Variants in PTK2B observed in about 807,000 individuals in gnomAD.
PTK2B encodes protein tyrosine kinase 2 beta.
PTK2B carries 71 observed loss-of-function variants against 142.9 expected under a neutral mutation model. That is an observed-to-expected ratio of 0.50 (90% CI 0.41 to 0.61). The LOEUF (loss-of-function observed/expected upper bound fraction) is 0.61. Ranked by LOEUF, PTK2B falls within the 20% of genes least tolerant of loss-of-function variation. The probability of loss-of-function intolerance (pLI) is 0.00; values close to 1 mark genes in which losing one functional copy is unlikely to be tolerated. For synonymous variants in PTK2B, 519 were observed against 503.4 expected (o/e 1.03, Z -0.42); for missense variants, 1,105 against 1,320.4 (o/e 0.84, Z 2.53).
chr8:27,355,683 T>G (rs182748096), intron 1 of PTK2B, among the ~76,000 whole-genome samples: 4 of 152,314 alleles, frequency 2.6e-5, no homozygotes, highest in African/African-American at 9.6e-5. Context: ...AGCTCTAGGC[T>G]TCTCTCCTAG....
Position 27,361,141 on chromosome 8 carries a change from G to A in PTK2B, c.-38+35460G>A, listed in dbSNP as rs557171854. 2.6e-5 allele frequency among the ~76,000 whole-genome samples: 4 copies of A among 152,222 alleles called. No homozygotes were observed. The East Asian group carries it at 7.7e-4, about 29-fold the overall frequency. ...CTTCCCACCCTCCTGAGTCTCCAATGTCTATTATTCCACACTCTATGTCCA... is the reference window on the plus strand; with the variant it reads ...CTTCCCACCCTCCTGAGTCTCCAATATCTATTATTCCACACTCTATGTCCA... On this transcript the variant is annotated intron_variant, in intron 1 of 30. Coordinates refer to ENST00000346049, the MANE Select transcript of PTK2B (RefSeq NM_173176.3).
intron 2 of PTK2B, among the ~76,000 whole-genome samples, chr8:27,399,980 A>G (rs1296283519): frequency 6.6e-6 from 1 of 152,148 alleles, no homozygotes; most frequent in Non-Finnish European, 1.5e-5. Flanking sequence ...ACTGGAGGCT[A>G]TTGACTGTGT....
intron 1 of PTK2B, among the ~76,000 whole-genome samples, chr8:27,365,664 G>A (rs904985453): frequency 1.3e-5 from 2 of 152,168 alleles, no homozygotes; most frequent in African/African-American, 4.8e-5. Context: ...TCGTTTTGCG[G>A]ATTAAATGAG....
chr8:27,435,893 T>G, intron 14 of PTK2B, 100 bp downstream of exon 14: 1 of 1,406,556 alleles, frequency 7.1e-7, no homozygotes, highest in Non-Finnish European at 1.0e-6. Context: ...TTTCCTCCTT[T>G]ATCCTCCCTT....
intron 1 of PTK2B, among the ~76,000 whole-genome samples, chr8:27,373,856 C>T (rs1214491505): frequency 6.6e-6 from 1 of 151,720 alleles, no homozygotes; most frequent in Non-Finnish European, 1.5e-5. Flanking sequence ...TCTAGAGCCA[C>T]AGAATAGTGA....
At chr8:27,442,257 A>G (rs1249078650) in intron 21 of PTK2B, among the ~76,000 whole-genome samples, 2 of 152,190 alleles carry the variant, frequency 1.3e-5, no homozygotes, top group East Asian at 1.9e-4. Context: ...CAAGTGTCAC[A>G]TATTCAGTAG....
intron 1 of PTK2B, among the ~76,000 whole-genome samples, chr8:27,386,795 G>A (rs903172623): frequency 1.3e-5 from 2 of 151,874 alleles, no homozygotes; most frequent in African/African-American, 4.8e-5. Context: ...TGGTTTTGTT[G>A]GTTTTAAGGT....
Position 27,437,878 on chromosome 8 carries a change from C to G in PTK2B, c.1641C>G (p.His547Gln). The change falls in exon 18 of 31, where the codon CAC becomes CAG. Residue 547 changes from histidine to glutamine, a missense_variant and splice_region_variant. Physicochemically the swap from His to Gln is conservative, Grantham distance 24. Coordinates refer to ENST00000346049, the MANE Select transcript of PTK2B (RefSeq NM_173176.3). ...ACCTGGAGAGCATCAACTGCGTGCA[C>G]AGGTAGGGGTGGAGGGAGTGGCCAG... ...MAYLESINCV[H>Q]RDIAVRNILV... is the part of the protein sequence containing the mutation. 6.2e-7 allele frequency: 1 copy of G among 1,609,174 alleles called. No homozygotes were observed. Among genetic ancestry groups the G allele is most frequent in the Non-Finnish European group, 8.5e-7 (1 of 1,177,858 alleles).
At position 27,312,771 on chromosome 8, in the gene PTK2B, T is replaced by C. The variant is rs373030457; in HGVS notation, c.-497+384T>C. Among the ~76,000 whole-genome samples, 6 of 152,208 alleles carry C rather than the reference T, an allele frequency of 3.9e-5. No homozygotes were observed. The East Asian group carries it at 7.7e-4, about 20-fold the overall frequency. On this transcript the variant is annotated intron_variant, in intron 2 of 35. Coordinates refer to the PTK2B transcript ENST00000397501. ...AAGCCAGTCTTGAAACCTTAAAATA[T>C]TACTCTTTCTCTCTGCCTTTCTGTG...
At chr8:27,325,982 C>T (rs984656937) in intron 1 of PTK2B, among the ~76,000 whole-genome samples, 1 of 152,058 alleles carries the variant, frequency 6.6e-6, no homozygotes, top group Non-Finnish European at 1.5e-5. Context: ...CTAGGGGTGA[C>T]GGTGTGAGGG....
At chr8:27,358,876 AT>A (rs1012952356) in intron 1 of PTK2B, among the ~76,000 whole-genome samples, 7 of 152,106 alleles carry the variant, frequency 4.6e-5, no homozygotes, top group Non-Finnish European at 8.8e-5. Context: ...TATTATTTTA[AT>A]TTTTTAACAC....
chr8:27,353,216 C>G (rs1301929288), intron 1 of PTK2B, among the ~76,000 whole-genome samples: 1 of 152,166 alleles, frequency 6.6e-6, no homozygotes, highest in Non-Finnish European at 1.5e-5. Flanking sequence ...ATAAGTTTGC[C>G]ATAAGCTACA....
chr8:27,317,352 A>G (rs992722504), intron 3 of PTK2B, among the ~76,000 whole-genome samples: 1 of 152,188 alleles, frequency 6.6e-6, no homozygotes, highest in Non-Finnish European at 1.5e-5. Context: ...GGGCTCTGCT[A>G]TTTATTATAA....
At chr8:27,386,772 T>C (rs1807386268) in intron 1 of PTK2B, among the ~76,000 whole-genome samples, 1 of 152,146 alleles carries the variant, frequency 6.6e-6, no homozygotes, top group African/African-American at 2.4e-5. Flanking sequence ...CAGGTGAAGC[T>C]TGTTCAAGAC....
At chr8:27,329,791 G>A (rs1803632593) in intron 1 of PTK2B, among the ~76,000 whole-genome samples, 1 of 152,142 alleles carries the variant, frequency 6.6e-6, no homozygotes, top group South Asian at 2.1e-4. Flanking sequence ...GGCTCAGTCA[G>A]TCTGCCTGGG....
intron 30 of PTK2B, among the ~76,000 whole-genome samples, chr8:27,456,329 T>C (rs534594518): frequency 6.6e-6 from 1 of 152,348 alleles, no homozygotes; most frequent in Admixed American, 6.5e-5. Context: ...CACATTTTGG[T>C]AATTCTCACA....
chr8:27,399,514 A>G (rs1347179940), intron 2 of PTK2B, among the ~76,000 whole-genome samples: 1 of 152,344 alleles, frequency 6.6e-6, no homozygotes, highest in Admixed American at 6.5e-5. Context: ...ATGGACAGGC[A>G]CTAGGGAACA....
rs1563237467 is a variant in PTK2B, at chr8:27,382,573, C to T, written c.-37-14975C>T. 2.0e-5 allele frequency among the ~76,000 whole-genome samples: 3 copies of T among 152,026 alleles called. No homozygotes were observed. In the South Asian group the frequency reaches 6.2e-4, roughly 32 times the overall value. ...CTGTCTCTGTTTTTTTTTTTAATCC[C>T]ATGTGCCTATTTTTGCTTCTGTTAC... On this transcript the variant is annotated intron_variant, in intron 1 of 30. Transcript: ENST00000346049.
intron 3 of PTK2B, among the ~76,000 whole-genome samples, chr8:27,318,512 CT>C (rs1272384002): frequency 1.3e-5 from 2 of 152,162 alleles, no homozygotes; most frequent in Non-Finnish European, 2.9e-5. Context: ...GCCACTCTTT[CT>C]AGGAGCAGCC....
Sources: gnomAD v4.1 joint callset for allele counts (sites outside exome capture counted in the v4.1 genomes callset) on GRCh38, gnomAD v4.1.1 for gene constraint, MANE v1.5 for transcripts, NCBI Gene and HGNC (gene_info 2026-07-23, HGNC 2026-07-21) for gene names.